COX6A1: variants seen among roughly 807,000 people sequenced by gnomAD.
The protein encoded by COX6A1 is cytochrome c oxidase subunit 6A1, mitochondrial.
Under a neutral mutation model 11.3 loss-of-function variants are expected in COX6A1, and 10 were observed. The observed-to-expected ratio is 0.88, with a 90% CI of 0.54 to 1.50. The LOEUF is 1.50. Ranked by LOEUF, COX6A1 falls within the 40% of genes most tolerant of loss-of-function variation. COX6A1 has a pLI of 0.00. For missense variants in COX6A1, 149 were observed against 147.6 expected, an observed-to-expected ratio of 1.01 and a Z score of -0.05; for synonymous variants, 81 against 60.6, an observed-to-expected ratio of 1.34 and a Z score of -1.57.
intron 2 of COX6A1, chr12:120,440,182 G>A (rs1592977655): frequency 5.8e-6 from 2 of 343,182 alleles, no homozygotes; most frequent in East Asian, 1.2e-4. Flanking sequence ...CTAGGGAGAG[G>A]ATGATGAGTA....
chr12:120,439,421 G>A (rs1385056628), intron 2 of COX6A1, among the ~76,000 whole-genome samples: 25 of 152,028 alleles, frequency 1.6e-4, no homozygotes, highest in Non-Finnish European at 3.7e-4. Context: ...CAGCTACTCG[G>A]GAGGCTGCGG....
In COX6A1 at chr12:120,439,031, C is replaced by T. The variant is rs149443886; in HGVS notation, c.246+510C>T. ...CCGGCCTGGGCAACAGAGCGAGACT[C>T]TGGTCTCAAAACAAAACAAAACAGC... On this transcript the variant is annotated intron_variant, in intron 2 of 2. Coordinates refer to ENST00000229379, the MANE Select transcript of COX6A1 (RefSeq NM_004373.4). Among the ~76,000 whole-genome samples the T allele has an allele frequency of 2.2e-3, 340 of 151,940 alleles. 1 individual carries two copies. The highest frequency in any genetic ancestry group is 8.0e-3 in the African/African-American group (331 of 41,436).
Position 120,438,500 on chromosome 12 carries a change from C to G in COX6A1, c.225C>G (p.Pro75=). The G allele has an allele frequency of 6.2e-7, 1 of 1,614,202 alleles. No individual in the cohort carries two copies. Among genetic ancestry groups the G allele is most frequent in the South Asian group, 1.1e-5 (1 of 91,076 alleles). ...AGAGACCCGAGTTCATCGCCTACCC[C>G]CATCTCCGCATCAGGACCAAGGTAC... ...EHERPEFIAY[P]HLRIRTKPFP... is the part of the protein sequence containing the mutation. The change falls in exon 2 of 3, where the codon CCC becomes CCG. Residue 75 remains proline (P), a synonymous_variant. Coordinates refer to ENST00000229379, the MANE Select transcript of COX6A1 (RefSeq NM_004373.4).
At chr12:120,438,697 G>A in intron 2 of COX6A1, 176 bp downstream of exon 2, 1 of 775,036 alleles carries the variant, frequency 1.3e-6, no homozygotes, top group Non-Finnish European at 2.1e-6. Flanking sequence ...TTGGGATTAC[G>A]TCTCAATTCT....
chr12:120,440,379 G>A lies in COX6A1; in HGVS notation c.247-75G>A, dbSNP rs528018274. 9.4e-6 allele frequency: 11 copies of A among 1,166,814 alleles called. No individual in the cohort carries two copies. In the Admixed American group the frequency reaches 1.4e-4, roughly 15 times the overall value. The allele number at this position is 1,166,814 out of a possible 1,614,324, so 72.3% of individuals were successfully genotyped here. A position where few individuals can be genotyped will look rare whatever the true frequency, so the allele number is the denominator to read the frequency against. On this transcript the variant is annotated intron_variant, in intron 2 of 2. Coordinates refer to ENST00000229379, the MANE Select transcript of COX6A1 (RefSeq NM_004373.4). ...GTTTTTATATATGATCTGTCACCCC[G>A]TTATAAGCAGTTCATGACGGTGTTC...
rs1877632922 is a variant in COX6A1 at position 120,438,616 on chromosome 12, C to T, written c.246+95C>T. On this transcript the variant is annotated intron_variant, in intron 2 of 2. Coordinates refer to ENST00000229379, the MANE Select transcript of COX6A1 (RefSeq NM_004373.4). ...ATTCTCTGAAGGCATGGGTGCCAGG[C>T]GTGTACAGCTTGTTTATCCTCACAA... 2.6e-6 allele frequency: 4 copies of T among 1,534,820 alleles called. No homozygotes were observed. The South Asian group carries it at 3.4e-5, about 13-fold the overall frequency.
chr12:120,438,608 G>A, intron 2 of COX6A1, 87 bp downstream of exon 2: 1 of 1,570,938 alleles, frequency 6.4e-7, no homozygotes, highest in South Asian at 1.1e-5. Flanking sequence ...GAAGGCATGG[G>A]TGCCAGGCGT....
At chr12:120,440,012 G>C (rs529782422) in intron 2 of COX6A1, 1 of 154,602 alleles carries the variant, frequency 6.5e-6, no homozygotes, top group African/African-American at 2.4e-5. Flanking sequence ...ATAATTCAGG[G>C]TGGGCTGCAG....
rs1180110277 is a variant in COX6A1 at position 120,438,137 on chromosome 12, T to G, written c.11T>G (p.Val4Gly). 6 of 1,613,264 alleles carry G rather than the reference T, an allele frequency of 3.7e-6. No homozygotes were observed. Among genetic ancestry groups the G allele is most frequent in the East Asian group, 2.2e-5 (1 of 44,870 alleles). MAVVGVSSVSRLLG... is the reference protein window; with the variant it reads MAVGGVSSVSRLLG... ...CAGTCCAGATCAAAAATGGCGGTAG[T>G]TGGTGTGTCCTCGGTTTCTCGGCTG... The change falls in exon 1 of 3, where the codon GTT (valine) becomes GGT (glycine). Residue 4 changes from valine (V) to glycine (G), a missense_variant. By Grantham distance (109) the Val-to-Gly change is moderately radical (BLOSUM62 -3). Coordinates refer to ENST00000229379, the MANE Select transcript of COX6A1 (RefSeq NM_004373.4).
intron 1 of COX6A1, 46 bp downstream of exon 1, chr12:120,438,275 C>T: frequency 1.9e-6 from 3 of 1,611,936 alleles, no homozygotes; most frequent in Middle Eastern, 3.3e-4. Flanking sequence ...CCCACTCGGG[C>T]GAGACAGGGA....
At position 120,438,119 on chromosome 12, in the gene COX6A1, G is replaced by GA. The variant is rs1343916463; in HGVS notation, c.-7dup. On this transcript the variant is annotated 5_prime_UTR_variant, in exon 1 of 3. Transcript: ENST00000229379. ...CCGCTTCCGGCGCTGCGGCAGTCCA[G>GA]ATCAAAAATGGCGGTAGTTGGTGTG... 1.2e-6 allele frequency: 2 copies of GA among 1,613,010 alleles called. No homozygotes were observed. Among genetic ancestry groups the GA allele is most frequent in the Admixed American group, 1.7e-5 (1 of 59,880 alleles).
chr12:120,438,677 C>CA, intron 2 of COX6A1, 156 bp downstream of exon 2: 1 of 965,438 alleles, frequency 1.0e-6, no homozygotes, highest in South Asian at 1.5e-5. Flanking sequence ...TGTGGATGGA[C>CA]AGCTGACACT....
At position 120,438,216 on chromosome 12, in the gene COX6A1, C is replaced by G. The variant is rs556029536; in HGVS notation, c.90C>G (p.Gly30=). 6.2e-7 allele frequency: 1 copy of G among 1,613,748 alleles called. No homozygotes were observed. The highest frequency in any genetic ancestry group is 2.2e-5 in the East Asian group (1 of 44,878). Residue 30 remains glycine, a synonymous_variant, in exon 1 of 3, where the codon GGC becomes GGG. Coordinates refer to ENST00000229379, the MANE Select transcript of COX6A1 (RefSeq NM_004373.4). ...GGCCTATGTCGAGTGGCGCCCATGG[C>G]GAAGAGGGCTCAGGTACTGGGGCCG... ...LGRPMSSGAH[G]EEGSARMWKT...
chr12:120,438,733 C>G (rs536254898), intron 2 of COX6A1: 1 of 571,600 alleles, frequency 1.7e-6, no homozygotes, highest in Non-Finnish European at 3.0e-6. Flanking sequence ...ACAATAAGTG[C>G]TCTTCAGTTT....
intron 2 of COX6A1, 151 bp downstream of exon 2, chr12:120,438,672 A>G (rs1029721527): frequency 7.6e-6 from 8 of 1,047,542 alleles, no homozygotes; most frequent in Non-Finnish European, 1.1e-5. Context: ...CATTTTGTGG[A>G]TGGACAGCTG....
chr12:120,438,396 C>T lies in COX6A1; in HGVS notation c.121C>T (p.Leu41Phe), dbSNP rs1463713808. 1.2e-6 allele frequency: 2 copies of T among 1,614,230 alleles called. No homozygotes were observed. The highest frequency in any genetic ancestry group is 1.7e-6 in the Non-Finnish European group (2 of 1,180,040). Reference protein sequence around the residue: ...EEGSARMWKTLTFFVALPGVA... With the variant: ...EEGSARMWKTFTFFVALPGVA... ...CTCCGCAGCTCGCATGTGGAAGACT[C>T]TCACCTTCTTCGTCGCGCTCCCCGG... Residue 41 changes from leucine to phenylalanine, a missense_variant, in exon 2 of 3, where the codon CTC becomes TTC. Physicochemically the swap from Leu to Phe is conservative, Grantham distance 22. Transcript: ENST00000229379.
chr12:120,438,449 C>A lies in COX6A1; in HGVS notation c.174C>A (p.Tyr58Ter). The change falls in exon 2 of 3, where the codon TAC becomes TAA. Residue 58 changes from tyrosine to a stop codon, truncating the protein, a stop_gained. Coordinates refer to ENST00000229379, the MANE Select transcript of COX6A1 (RefSeq NM_004373.4). LOFTEE classifies it high-confidence loss of function. ...TGGCAGTCAGCATGCTGAATGTGTACCTGAAGTCGCACCACGGAGAGCACG... is the reference window on the plus strand; with the variant it reads ...TGGCAGTCAGCATGCTGAATGTGTAACTGAAGTCGCACCACGGAGAGCACG... ...PGVAVSMLNV[Y>*]LKSHHGEHER... The A allele has an allele frequency of 6.2e-7, 1 of 1,614,200 alleles. No individual in the cohort carries two copies. The highest frequency in any genetic ancestry group is 8.5e-7 in the Non-Finnish European group (1 of 1,180,040).
chr12:120,440,270 A>G, intron 2 of COX6A1, 184 bp from the exon 3 acceptor site: 2 of 525,456 alleles, frequency 3.8e-6, no homozygotes, highest in East Asian at 3.2e-5. Context: ...GATAACTTTA[A>G]GGGCTCCCCT....
chr12:120,438,175 C>A lies in COX6A1; in HGVS notation c.49C>A (p.Arg17Ser). 6.2e-7 allele frequency: 1 copy of A among 1,613,878 alleles called. No individual in the cohort carries two copies. Residue 17 changes from arginine (R) to serine (S), a missense_variant, in exon 1 of 3, where the codon CGC becomes AGC. Arg to Ser is a moderately radical substitution (Grantham distance 110). Coordinates refer to ENST00000229379, the MANE Select transcript of COX6A1 (RefSeq NM_004373.4). Reference sequence around the variant, plus strand: ...GGTTTCTCGGCTGCTGGGTCGGTCCCGCCCACAGCTGGGGCGGCCTATGTC... The same window carrying A: ...GGTTTCTCGGCTGCTGGGTCGGTCCAGCCCACAGCTGGGGCGGCCTATGTC... ...SSVSRLLGRS[R>S]PQLGRPMSSG... is the part of the protein sequence containing the mutation.
Sources: gnomAD v4.1 joint callset for allele counts (sites outside exome capture counted in the v4.1 genomes callset) on GRCh38, gnomAD v4.1.1 for gene constraint, MANE v1.5 for transcripts, NCBI Gene and HGNC (gene_info 2026-07-23, HGNC 2026-07-21) for gene names.